ASCC3: variants seen among roughly 807,000 people sequenced by gnomAD.
The protein encoded by ASCC3 is ASC-1 complex subunit P200.
ASCC3 carries 158 observed loss-of-function variants against 256.3 expected under a neutral mutation model. The observed-to-expected ratio is 0.62, with a 90% CI of 0.54 to 0.70. The LOEUF (loss-of-function observed/expected upper bound fraction) is 0.70, where lower values mean the gene tolerates loss of function less well. Among genes scored for constraint, ASCC3 ranks in the 30% least tolerant of loss-of-function variants. The pLI is 0.00. For synonymous variants in ASCC3, 948 were observed against 883.4 expected (o/e 1.07, Z -1.30); for missense variants, 2,259 against 2,626.0 (o/e 0.86, Z 3.05).
chr6:100,530,949 A>G, intron 37 of ASCC3: 1 of 1,458,264 alleles, frequency 6.9e-7, no homozygotes. Context: ...GTGATTGCAA[A>G]TCACGTGTCT....
chr6:100,719,778 G>A (rs903060105), intron 11 of ASCC3, among the ~76,000 whole-genome samples: 35 of 151,750 alleles, frequency 2.3e-4, no homozygotes, highest in Middle Eastern at 3.4e-3. Context: ...TCATTAGCTC[G>A]GATTAGACAG....
At chr6:100,724,159 AC>A (rs1779511262) in intron 11 of ASCC3, among the ~76,000 whole-genome samples, 1 of 147,648 alleles carries the variant, frequency 6.8e-6, no homozygotes, top group African/African-American at 2.5e-5. Flanking sequence ...AAAAAAAAAA[AC>A]AAAAAAAAAC....
At chr6:100,642,295 G>GA (rs1279048370) in intron 24 of ASCC3, among the ~76,000 whole-genome samples, 1 of 151,840 alleles carries the variant, frequency 6.6e-6, no homozygotes, top group African/African-American at 2.4e-5. Context: ...TTTTGGTGTA[G>GA]AAACACAAAA....
chr6:100,747,496 A>C (rs1780736696), intron 10 of ASCC3, among the ~76,000 whole-genome samples: 1 of 152,122 alleles, frequency 6.6e-6, no homozygotes, highest in Non-Finnish European at 1.5e-5. Context: ...GTCTGTGAAA[A>C]TTAAAGGGAT....
rs1320733425 is a variant in ASCC3, at chr6:100,510,094, C to T, written c.6299G>A (p.Ser2100Asn). The T allele has an allele frequency of 2.5e-6, 4 of 1,614,058 alleles. No homozygotes were observed. Among genetic ancestry groups the T allele is most frequent in the Admixed American group, 1.7e-5 (1 of 60,010 alleles). The change falls in exon 41 of 42, where the codon AGC becomes AAC. Residue 2100 changes from serine (S) to asparagine (N), a missense_variant. Transcript: ENST00000369162. ...HFGFHKGKPE[S>N]CAVTPRFPKS... ...GGGAAATCGAGGAGTAACTGCACAG[C>T]TCTCTGGCTTTCCCTGTAAACCAGA...
chr6:100,539,618 G>A (rs1310289871), intron 37 of ASCC3, among the ~76,000 whole-genome samples: 1 of 151,950 alleles, frequency 6.6e-6, no homozygotes, highest in East Asian at 1.9e-4. Context: ...CTTAGTGTTT[G>A]AATACACACC....
intron 36 of ASCC3, among the ~76,000 whole-genome samples, chr6:100,546,287 C>T (rs1775713841): frequency 6.6e-6 from 1 of 152,110 alleles, no homozygotes; most frequent in South Asian, 2.1e-4. Context: ...CCTTAATTCT[C>T]CCAAATTGAT....
At chr6:100,620,769 A>G (rs138717623) in intron 30 of ASCC3, among the ~76,000 whole-genome samples, 1 of 152,308 alleles carries the variant, frequency 6.6e-6, no homozygotes, top group East Asian at 1.9e-4. Context: ...ATTTAACACT[A>G]CACAAGGAGC....
rs1775610607 is a variant in ASCC3 at position 100,650,530 on chromosome 6, A to C, written c.3252+8T>G. On this transcript the variant is annotated splice_region_variant and intron_variant, in intron 20 of 41. Coordinates refer to ENST00000369162, the MANE Select transcript of ASCC3 (RefSeq NM_006828.4). ...GAAGAGAAAACTGGAAGGGAATAAGATACTTACCTGTGCAACATATGCAGA... is the reference window on the plus strand; with the variant it reads ...GAAGAGAAAACTGGAAGGGAATAAGCTACTTACCTGTGCAACATATGCAGA... 1 of 1,612,042 alleles carries C rather than the reference A, an allele frequency of 6.2e-7. No homozygotes were observed. The highest frequency in any genetic ancestry group is 8.5e-7 in the Non-Finnish European group (1 of 1,178,638).
At chr6:100,739,739 A>G (rs992453490) in intron 10 of ASCC3, among the ~76,000 whole-genome samples, 8 of 152,118 alleles carry the variant, frequency 5.3e-5, no homozygotes, top group Non-Finnish European at 1.0e-4. Context: ...TGTTTATAGT[A>G]TTCTGTGGTG....
At chr6:100,676,245 T>A (rs1370077440) in intron 14 of ASCC3, among the ~76,000 whole-genome samples, 1 of 152,210 alleles carries the variant, frequency 6.6e-6, no homozygotes, top group East Asian at 1.9e-4. Flanking sequence ...AGTTTTATCA[T>A]TGTTCAGTTT....
rs1226984022 is a variant in ASCC3 at position 100,594,363 on chromosome 6, T to C, written c.5304-4304A>G. The stretch of plus-strand genomic sequence containing the variant: ...GATTATTAAGGAAAAAGTAAAACTA[T>C]ACATAATGTAAGTGTTTCATTAGAG... On this transcript the variant is annotated intron_variant, in intron 34 of 41. Coordinates refer to ENST00000369162, the MANE Select transcript of ASCC3 (RefSeq NM_006828.4). Among the ~76,000 whole-genome samples the C allele has an allele frequency of 2.6e-5, 4 of 152,146 alleles. No homozygotes were observed. The East Asian group carries it at 7.7e-4, about 29-fold the overall frequency.
intron 3 of ASCC3, among the ~76,000 whole-genome samples, chr6:100,852,986 G>T (rs1226305788): frequency 6.8e-6 from 1 of 147,726 alleles, no homozygotes; most frequent in African/African-American, 2.5e-5. Context: ...GCACTTCCCA[G>T]AATTAAAAAA....
At position 100,723,876 on chromosome 6, in the gene ASCC3, A is replaced by ATATATATTTATAAT. The variant is rs1554220100; in HGVS notation, c.1902+1662_1902+1663insATTATAAATATATA. ...ATTAGGGAATTATATATATATATAT[A>ATATATATTTATAAT]TATATATATATATATATATATTTAT... On this transcript the variant is annotated intron_variant, in intron 11 of 41. Coordinates refer to ENST00000369162, the MANE Select transcript of ASCC3 (RefSeq NM_006828.4). Among the ~76,000 whole-genome samples, 112 of 131,164 alleles carry ATATATATTTATAAT rather than the reference A, an allele frequency of 8.5e-4. 5 individuals carry two copies. In the East Asian group the frequency reaches 0.022, roughly 26 times the overall value. The allele number at this position is 131,164 out of a possible 152,430, so 86.0% of individuals were successfully genotyped here.
intron 10 of ASCC3, among the ~76,000 whole-genome samples, chr6:100,728,805 T>G (rs898183908): frequency 6.6e-6 from 1 of 152,250 alleles, no homozygotes; most frequent in South Asian, 2.1e-4. Context: ...AATGAAAGCA[T>G]CCATAGCTGC....
intron 36 of ASCC3, among the ~76,000 whole-genome samples, chr6:100,551,520 A>C (rs1206975405): frequency 6.6e-6 from 1 of 151,946 alleles, no homozygotes; most frequent in Non-Finnish European, 1.5e-5. Context: ...TTATTATAGT[A>C]ACATACTCTT....
chr6:100,675,171 A>T (rs923384120), intron 14 of ASCC3, among the ~76,000 whole-genome samples: 4 of 151,354 alleles, frequency 2.6e-5, no homozygotes, highest in Non-Finnish European at 5.9e-5. Flanking sequence ...TTATTTAAAA[A>T]ATACTAATAC....
chr6:100,687,486 C>T (rs940418850), intron 13 of ASCC3, among the ~76,000 whole-genome samples: 3 of 151,880 alleles, frequency 2.0e-5, no homozygotes, highest in Non-Finnish European at 2.9e-5. Context: ...CTCAGCCTCC[C>T]GAGTAGCTGG....
chr6:100,803,142 C>A (rs868235472), intron 5 of ASCC3, among the ~76,000 whole-genome samples: 1 of 151,902 alleles, frequency 6.6e-6, no homozygotes, highest in Non-Finnish European at 1.5e-5. Flanking sequence ...TTAGCAGACA[C>A]CCATTTTAGA....
Sources: gnomAD v4.1 joint callset for allele counts (sites outside exome capture counted in the v4.1 genomes callset) on GRCh38, gnomAD v4.1.1 for gene constraint, MANE v1.5 for transcripts, NCBI Gene and HGNC (gene_info 2026-07-23, HGNC 2026-07-21) for gene names.